Variants in STK3 observed in about 807,000 individuals in gnomAD.
The protein encoded by STK3 is serine/threonine kinase 3.
In STK3, 41 loss-of-function variants were observed where a neutral mutation model predicts 58.0. The ratio of observed to expected loss-of-function variants is 0.71; its 90% CI spans 0.55 to 0.92. The LOEUF is 0.92. Among genes scored for constraint, STK3 ranks in the 40% least tolerant of loss-of-function variants. The pLI, the probability that STK3 is intolerant of heterozygous loss-of-function variation, is 0.00. For missense variants in STK3, 479 were observed against 602.7 expected (o/e 0.79, Z 2.15); for synonymous variants, 170 against 191.0 (o/e 0.89, Z 0.91).
At chr8:98,652,551 G>A (rs1299732764) in intron 6 of STK3, among the ~76,000 whole-genome samples, 1 of 147,106 alleles carries the variant, frequency 6.8e-6, no homozygotes, top group East Asian at 2.0e-4. Flanking sequence ...TGGATAAAGA[G>A]TCAAGACCCA....
intron 6 of STK3, among the ~76,000 whole-genome samples, chr8:98,660,115 AAATAC>A (rs1821849842): frequency 7.9e-5 from 12 of 152,240 alleles, no homozygotes; most frequent in African/African-American, 2.9e-4. Flanking sequence ...ATCACATGCT[AAATAC>A]AGATGAAGCT....
chr8:98,626,831 A>T (rs1818758852), intron 6 of STK3, among the ~76,000 whole-genome samples: 1 of 152,220 alleles, frequency 6.6e-6, no homozygotes, highest in South Asian at 2.1e-4. Flanking sequence ...TTAATCACCA[A>T]CCAAACAGCT....
intron 3 of STK3, among the ~76,000 whole-genome samples, chr8:98,760,275 G>GC (rs1443820840): frequency 2.6e-5 from 4 of 151,908 alleles, no homozygotes; most frequent in South Asian, 2.1e-4. Flanking sequence ...CCAAGTAACC[G>GC]CAACTATAAA....
chr8:98,799,293 G>A (rs1442919281), intron 1 of STK3, among the ~76,000 whole-genome samples: 1 of 151,934 alleles, frequency 6.6e-6, no homozygotes, highest in African/African-American at 2.4e-5. Flanking sequence ...GCCATCAAAA[G>A]GGGAAGGAGA....
At chr8:98,546,253 T>A (rs1338320265) in intron 9 of STK3, among the ~76,000 whole-genome samples, 1 of 152,150 alleles carries the variant, frequency 6.6e-6, no homozygotes, top group Non-Finnish European at 1.5e-5. Context: ...AATCTAAAAG[T>A]CACTATACAA....
chr8:98,537,829 T>C (rs1809895807), intron 9 of STK3, among the ~76,000 whole-genome samples: 1 of 152,096 alleles, frequency 6.6e-6, no homozygotes, highest in South Asian at 2.1e-4. Context: ...TAAGAAATTT[T>C]AAAGAAAAAG....
intron 10 of STK3, among the ~76,000 whole-genome samples, chr8:98,462,353 C>T (rs1820058991): frequency 1.3e-5 from 2 of 151,990 alleles, no homozygotes; most frequent in African/African-American, 2.4e-5. Flanking sequence ...ATTCGTGTGC[C>T]ATATCTGTTT....
At chr8:98,770,505 A>C (rs1831240515) in intron 2 of STK3, among the ~76,000 whole-genome samples, 1 of 152,198 alleles carries the variant, frequency 6.6e-6, no homozygotes, top group South Asian at 2.1e-4. Flanking sequence ...TGTCCCTAAC[A>C]GTTGCTCAGC....
chr8:98,343,987 A>G, the STK3 span, among the ~76,000 whole-genome samples: 1 of 152,200 alleles, frequency 6.6e-6, no homozygotes, highest in African/African-American at 2.4e-5. Flanking sequence ...TATTATCATT[A>G]TTATATTATT....
Position 98,455,768 on chromosome 8 carries a change from A to T in STK3, c.*74T>A. The T allele has an allele frequency of 6.4e-7, 1 of 1,555,036 alleles. No individual in the cohort carries two copies. Among genetic ancestry groups the T allele is most frequent in the Non-Finnish European group, 8.7e-7 (1 of 1,145,692 alleles). ...GTAGGGCAAAATCTTAGGATTAAAA[A>T]TATCCAAATATTCCTTCAATTCCTA... is the stretch of plus-strand genomic sequence containing the variant. On this transcript the variant is annotated 3_prime_UTR_variant, in exon 11 of 11. Transcript: ENST00000419617.
At chr8:98,696,945 C>A (rs1051868092) in intron 6 of STK3, among the ~76,000 whole-genome samples, 1 of 152,096 alleles carries the variant, frequency 6.6e-6, no homozygotes, top group African/African-American at 2.4e-5. Flanking sequence ...CCAATTCCTC[C>A]TTGTACCTCT....
At chr8:98,897,236 A>C (rs1379440295) in intron 1 of STK3, among the ~76,000 whole-genome samples, 1 of 152,118 alleles carries the variant, frequency 6.6e-6, no homozygotes, top group African/African-American at 2.4e-5. Flanking sequence ...GTCAACCACT[A>C]TCAATCCTAT....
At chr8:98,893,484 AAG>A (rs10584856) in intron 1 of STK3, among the ~76,000 whole-genome samples, 3,415 of 40,512 alleles carry the variant, frequency 0.084, 50 homozygotes, top group Middle Eastern at 0.14. Context: ...GAAAGAAAGA[AAG>A]AGAAAGAAAG....
At chr8:98,777,918 G>C (rs901363609) in intron 1 of STK3, among the ~76,000 whole-genome samples, 19 of 152,114 alleles carry the variant, frequency 1.2e-4, no homozygotes, top group African/African-American at 4.6e-4. Flanking sequence ...CCTAAAACCA[G>C]AAAAACCCTA....
intron 10 of STK3, among the ~76,000 whole-genome samples, chr8:98,456,953 A>G (rs996371483): frequency 1.3e-5 from 2 of 152,224 alleles, no homozygotes; most frequent in Admixed American, 6.5e-5. Context: ...CTCTGAGGAT[A>G]CTGAAAAGAA....
At chr8:98,893,520 GAAAGAAAGAAAGAAAGAA>G (rs1564087544) in intron 1 of STK3, among the ~76,000 whole-genome samples, 1 of 132,288 alleles carries the variant, frequency 7.6e-6, no homozygotes, top group Non-Finnish European at 1.6e-5. Context: ...AAGAAAGAAA[GAAAGAAAGAAAGAAAGAA>G]AAAGAAAGAG....
Position 98,825,545 on chromosome 8 carries a change from G to A in STK3, c.-5C>T. On this transcript the variant is annotated 5_prime_UTR_variant, in exon 1 of 11. Coordinates refer to ENST00000419617, the MANE Select transcript of STK3 (RefSeq NM_006281.4). ...AGGCGCCGGCGGCTGCTCCATGGCG[G>A]CCGGGGACAGAGAGAGGGACCTGGT... 1 of 1,456,820 alleles carries A rather than the reference G, an allele frequency of 6.9e-7. No homozygotes were observed. Among genetic ancestry groups the A allele is most frequent in the Non-Finnish European group, 9.1e-7 (1 of 1,099,394 alleles). 90.2% of individuals were successfully genotyped at this position (1,456,820 alleles called of 1,614,324 possible).
At chr8:98,799,536 A>G (rs1006357771) in intron 1 of STK3, among the ~76,000 whole-genome samples, 1 of 152,218 alleles carries the variant, frequency 6.6e-6, no homozygotes, top group Non-Finnish European at 1.5e-5. Context: ...CTGTCTACCC[A>G]GCCAAGGTAT....
At position 98,907,095 on chromosome 8, in the gene STK3, C is replaced by T. The variant is rs1431658233; in HGVS notation, c.-78-23261G>A. 2.0e-5 allele frequency among the ~76,000 whole-genome samples: 3 copies of T among 151,850 alleles called. No homozygotes were observed. The South Asian group carries it at 6.2e-4, about 31-fold the overall frequency. On this transcript the variant is annotated intron_variant, in intron 1 of 1. Coordinates refer to the STK3 transcript ENST00000519420. ...ATTGCTTGAGCCCAGGATTTGGAGG[C>T]TCCAGTGAGCCATGATTGTGCCACT...
Sources: allele counts gnomAD v4.1 joint callset (sites outside exome capture counted in the v4.1 genomes callset), GRCh38; gene constraint gnomAD v4.1.1; transcripts MANE v1.5; gene names NCBI Gene and HGNC (gene_info 2026-07-23, HGNC 2026-07-21).